CRISP2: variants seen among roughly 807,000 people sequenced by gnomAD.
CRISP2 encodes cysteine rich secretory protein 2.
Under a neutral mutation model 31.7 loss-of-function variants are expected in CRISP2, and 29 were observed. That is an observed-to-expected ratio of 0.92 (90% CI 0.68 to 1.25). The LOEUF (loss-of-function observed/expected upper bound fraction) is 1.25, where lower values mean the gene tolerates loss of function less well. Ranked by LOEUF, CRISP2 falls within the 50% of genes most tolerant of loss-of-function variation. CRISP2 has a pLI of 0.00. For synonymous variants in CRISP2, 111 were observed against 101.4 expected (o/e 1.09, Z -0.57); for missense variants, 318 against 286.5 (o/e 1.11, Z -0.79).
the CRISP2 span, among the ~76,000 whole-genome samples, chr6:49,683,554 C>T: frequency 6.8e-6 from 1 of 146,916 alleles, no homozygotes; most frequent in African/African-American, 2.5e-5. Context: ...ATCCCAACTA[C>T]TTGGGAGGCT....
At chr6:49,713,293 G>A (rs1000435915) in intron 1 of CRISP2, among the ~76,000 whole-genome samples, 182 bp downstream of exon 1, 2 of 152,100 alleles carry the variant, frequency 1.3e-5, no homozygotes, top group Non-Finnish European at 2.9e-5. Flanking sequence ...GTTATGGTAG[G>A]TCGGCGCTAA....
intron 6 of CRISP2, 124 bp from the exon 7 acceptor site, chr6:49,698,631 A>G (rs1765164476): frequency 1.0e-6 from 1 of 958,810 alleles, no homozygotes; most frequent in Non-Finnish European, 1.6e-6. Context: ...GTTGATTAAT[A>G]CATAAAGGAG....
the CRISP2 span, among the ~76,000 whole-genome samples, chr6:49,684,923 A>G: frequency 6.6e-6 from 1 of 152,136 alleles, no homozygotes; most frequent in Non-Finnish European, 1.5e-5. Context: ...CATGCATACT[A>G]ACAGAACTTT....
chr6:49,709,654 A>T (rs2127435780), intron 3 of CRISP2, among the ~76,000 whole-genome samples: 1 of 152,340 alleles, frequency 6.6e-6, no homozygotes, highest in Admixed American at 6.5e-5. Flanking sequence ...CCTTTTATTT[A>T]TACCAGACTC....
chr6:49,695,994 CA>C, intron 8 of CRISP2, 70 bp from the exon 9 acceptor site: 1 of 910,052 alleles, frequency 1.1e-6, no homozygotes. Flanking sequence ...TATCAGTCAT[CA>C]AATATACATA....
chr6:49,690,728 G>T (rs360562), downstream of CRISP2, among the ~76,000 whole-genome samples: 89,061 of 151,736 alleles, frequency 0.59, 26,666 homozygotes, highest in East Asian at 0.8. Flanking sequence ...GGTTAAAAAG[G>T]TATATATCAA....
rs556468359 is a variant in CRISP2 at position 49,693,756 on chromosome 6, G to A, written c.605-856C>T. Among the ~76,000 whole-genome samples the A allele has an allele frequency of 7.0e-4, 107 of 152,002 alleles. 1 individual carries two copies. The highest frequency in any genetic ancestry group is 2.2e-3 in the African/African-American group (93 of 41,462). On this transcript the variant is annotated intron_variant, in intron 9 of 9. Coordinates refer to ENST00000339139, the MANE Select transcript of CRISP2 (RefSeq NM_003296.4). Reference sequence around the variant, plus strand: ...TAATGTTTTTTTCAGTTTATTTATCGTATTTTTCAGCTTCAGGATTTCTGT... The same window carrying A: ...TAATGTTTTTTTCAGTTTATTTATCATATTTTTCAGCTTCAGGATTTCTGT...
chr6:49,685,986 C>T, the CRISP2 span, among the ~76,000 whole-genome samples: 1 of 152,170 alleles, frequency 6.6e-6, no homozygotes. Context: ...CCAACCAGCC[C>T]ACCCCATTCT....
the CRISP2 span, among the ~76,000 whole-genome samples, chr6:49,684,415 CT>C: frequency 1.3e-5 from 2 of 152,188 alleles, no homozygotes; most frequent in East Asian, 3.9e-4. Flanking sequence ...CTGTATAGTA[CT>C]TTTTTCCTAC....
the CRISP2 span, among the ~76,000 whole-genome samples, chr6:49,678,604 G>C: frequency 6.6e-6 from 1 of 152,138 alleles, no homozygotes; most frequent in Non-Finnish European, 1.5e-5. Context: ...TGTAATTGCA[G>C]AGAGTGTAAA....
chr6:49,681,082 A>G, the CRISP2 span, among the ~76,000 whole-genome samples: 4 of 152,120 alleles, frequency 2.6e-5, no homozygotes, highest in African/African-American at 9.7e-5. Context: ...CCTATGCCCT[A>G]AATGGTATTT....
chr6:49,683,663 CAAAAAAAAAAAAAA>C, the CRISP2 span, among the ~76,000 whole-genome samples: 11 of 18,498 alleles, frequency 5.9e-4, no homozygotes, highest in African/African-American at 1.2e-3. Context: ...GACTCCATTT[CAAAAAAAAAAAAAA>C]AAAAAAAAAA....
downstream of CRISP2, among the ~76,000 whole-genome samples, chr6:49,691,963 C>G (rs749735673): frequency 5.9e-5 from 9 of 152,198 alleles, no homozygotes; most frequent in South Asian, 1.0e-3. Flanking sequence ...GTTTTCTCAT[C>G]TATAAGATGG....
In CRISP2 at chr6:49,709,181, C is replaced by G; in HGVS notation, c.16G>C (p.Val6Leu). The G allele has an allele frequency of 6.2e-7, 1 of 1,613,646 alleles. No individual in the cohort carries two copies. Among genetic ancestry groups the G allele is most frequent in the Non-Finnish European group, 8.5e-7 (1 of 1,179,882 alleles). The change falls in exon 4 of 10, where the codon GTG becomes CTG. Residue 6 changes from valine (V) to leucine (L), a missense_variant. Coordinates refer to ENST00000339139, the MANE Select transcript of CRISP2 (RefSeq NM_003296.4). ...AGCAGCACAGTAACCAGAAACAACACCGGTAGTAAAGCCATTGCTGGAAAC... is the reference window on the plus strand; with the variant it reads ...AGCAGCACAGTAACCAGAAACAACAGCGGTAGTAAAGCCATTGCTGGAAAC... MALLP[V>L]LFLVTVLLPS... is the part of the protein sequence containing the mutation.
chr6:49,704,888 A>G (rs1766745374), intron 4 of CRISP2, among the ~76,000 whole-genome samples: 2 of 152,194 alleles, frequency 1.3e-5, no homozygotes, highest in Non-Finnish European at 2.9e-5. Flanking sequence ...AGGATGTTAC[A>G]GGCAGTGGAA....
At chr6:49,696,140 T>A (rs1195331840) in intron 8 of CRISP2, among the ~76,000 whole-genome samples, 1 of 152,160 alleles carries the variant, frequency 6.6e-6, no homozygotes, top group African/African-American at 2.4e-5. Context: ...TTTCACAGGC[T>A]GGGTAACTAA....
At chr6:49,689,179 A>C (rs1299694956), downstream of CRISP2, among the ~76,000 whole-genome samples, 1 of 152,086 alleles carries the variant, frequency 6.6e-6, no homozygotes, top group Admixed American at 6.6e-5. Flanking sequence ...TGGATTATGA[A>C]TTTCTGATGA....
chr6:49,700,738 C>T lies in CRISP2; in HGVS notation c.113G>A (p.Arg38Lys), dbSNP rs753349208. Residue 38 changes from arginine (R) to lysine (K), a missense_variant, in exon 5 of 10, where the codon AGG becomes AAG. Coordinates refer to ENST00000339139, the MANE Select transcript of CRISP2 (RefSeq NM_003296.4). ...TTCATTGTGTTTATTTACAATCTCC[C>T]TTTGCACTTGCAACTGGGTGGTTAA... ...ALLTTQLQVQ[R>K]EIVNKHNELR... The T allele has an allele frequency of 1.2e-6, 2 of 1,612,598 alleles. No individual in the cohort carries two copies. Among genetic ancestry groups the T allele is most frequent in the East Asian group, 4.5e-5 (2 of 44,820 alleles).
chr6:49,701,879 T>G (rs1359305827), intron 4 of CRISP2, among the ~76,000 whole-genome samples: 1 of 102,196 alleles, frequency 9.8e-6, no homozygotes, highest in African/African-American at 3.9e-5. Flanking sequence ...TATTATGTAT[T>G]ATATATTATA....
Sources: gnomAD v4.1 joint callset for allele counts (sites outside exome capture counted in the v4.1 genomes callset) on GRCh38, gnomAD v4.1.1 for gene constraint, MANE v1.5 for transcripts, NCBI Gene and HGNC (gene_info 2026-07-23, HGNC 2026-07-21) for gene names.